Variants in SLC9A2 observed in about 807,000 individuals in gnomAD.
SLC9A2 encodes the protein solute carrier family 9 member A2, also known as sodium/hydrogen exchanger 2.
SLC9A2 carries 42 observed loss-of-function variants against 71.7 expected under a neutral mutation model. The ratio of observed to expected loss-of-function variants is 0.59; its 90% CI spans 0.46 to 0.76. The LOEUF (loss-of-function observed/expected upper bound fraction) is 0.76. SLC9A2 is among the 30% of genes least tolerant of loss of function. SLC9A2 has a pLI of 0.00. For missense variants in SLC9A2, 829 were observed against 1,017.4 expected, an observed-to-expected ratio of 0.81 and a Z score of 2.52; for synonymous variants, 396 against 392.5, an observed-to-expected ratio of 1.01 and a Z score of -0.10.
At chr2:102,669,091 G>A (rs920673950) in intron 3 of SLC9A2, among the ~76,000 whole-genome samples, 3 of 152,136 alleles carry the variant, frequency 2.0e-5, no homozygotes, top group African/African-American at 7.2e-5. Context: ...AGTGCACCTC[G>A]GGTGTTCATA....
chr2:102,644,218 A>G (rs1345672928), intron 1 of SLC9A2, among the ~76,000 whole-genome samples: 1 of 152,008 alleles, frequency 6.6e-6, no homozygotes, highest in Non-Finnish European at 1.5e-5. Flanking sequence ...TCACCCAGGA[A>G]GTGCAAGGGG....
At chr2:102,648,223 C>T (rs2104513070) in intron 1 of SLC9A2, among the ~76,000 whole-genome samples, 1 of 152,290 alleles carries the variant, frequency 6.6e-6, no homozygotes, top group South Asian at 2.1e-4. Flanking sequence ...ATCATATAAA[C>T]AGAACCAATG....
At chr2:102,656,980 G>A (rs1443329901) in intron 1 of SLC9A2, among the ~76,000 whole-genome samples, 5 of 152,104 alleles carry the variant, frequency 3.3e-5, no homozygotes, top group South Asian at 4.1e-4. Flanking sequence ...CGAGGTGGGC[G>A]GATCACCTGA....
intron 1 of SLC9A2, among the ~76,000 whole-genome samples, chr2:102,645,776 A>G (rs530564229): frequency 6.6e-6 from 1 of 152,292 alleles, no homozygotes; most frequent in East Asian, 1.9e-4. Context: ...AGGAGTGAAC[A>G]AAGCTTCCAA....
chr2:102,623,743 A>G (rs1342379884), intron 1 of SLC9A2, among the ~76,000 whole-genome samples: 3 of 152,104 alleles, frequency 2.0e-5, no homozygotes, highest in African/African-American at 7.2e-5. Context: ...CTTTTGTGCC[A>G]TTTGTGTAGT....
In SLC9A2 at chr2:102,679,073, G is replaced by C. The variant is rs545270266; in HGVS notation, c.1005-4188G>C. ...GACTCAGGTTGTACATGGCAGACCA[G>C]AATGGGAACTTTAGGAATGTTTCCT... On this transcript the variant is annotated intron_variant, in intron 3 of 11. Transcript: ENST00000233969. Among the ~76,000 whole-genome samples, 5 of 152,268 alleles carry C rather than the reference G, an allele frequency of 3.3e-5. No homozygotes were observed. The East Asian group carries it at 9.7e-4, about 30-fold the overall frequency.
rs902970040 is a variant in SLC9A2, at chr2:102,684,705, C to T, written c.1425+369C>T. On this transcript the variant is annotated intron_variant, in intron 5 of 11. Transcript: ENST00000233969. ...GCTATTTGACATGAGTTGACTGCCT[C>T]GCGGTGACTCCCCTAAATGAGGAAT... Among the ~76,000 whole-genome samples, 6 of 152,272 alleles carry T rather than the reference C, an allele frequency of 3.9e-5. No individual in the cohort carries two copies. In the South Asian group the frequency reaches 6.2e-4, roughly 16 times the overall value.
At chr2:102,690,793 T>G (rs138934432) in intron 5 of SLC9A2, among the ~76,000 whole-genome samples, 2 of 152,296 alleles carry the variant, frequency 1.3e-5, no homozygotes, top group African/African-American at 4.8e-5. Flanking sequence ...AGACCTTCCA[T>G]AAGACAGCAT....
At chr2:102,634,283 A>C (rs944295869) in intron 1 of SLC9A2, among the ~76,000 whole-genome samples, 4 of 152,150 alleles carry the variant, frequency 2.6e-5, no homozygotes, top group Non-Finnish European at 5.9e-5. Flanking sequence ...ACTATAGTGT[A>C]TATACTATTA....
chr2:102,691,923 T>C (rs891721079), intron 5 of SLC9A2, among the ~76,000 whole-genome samples: 3 of 152,204 alleles, frequency 2.0e-5, no homozygotes, highest in Admixed American at 2.0e-4. Flanking sequence ...ACTTACTAAA[T>C]GAACACTGAT....
chr2:102,696,332 A>G (rs1386019616), intron 7 of SLC9A2, among the ~76,000 whole-genome samples: 2 of 152,200 alleles, frequency 1.3e-5, no homozygotes, highest in Non-Finnish European at 2.9e-5. Flanking sequence ...AACACGTTTT[A>G]AACTATATTT....
intron 1 of SLC9A2, among the ~76,000 whole-genome samples, chr2:102,624,214 G>A (rs1407182357): frequency 5.9e-5 from 9 of 152,116 alleles, no homozygotes; most frequent in South Asian, 2.1e-4. Context: ...AGTACACCTC[G>A]GAAAAGCTTT....
intron 1 of SLC9A2, among the ~76,000 whole-genome samples, chr2:102,652,432 G>T (rs1244505197): frequency 6.6e-6 from 1 of 152,066 alleles, no homozygotes. Context: ...TTCCCATGGC[G>T]CCCAGCCTTT....
Position 102,691,849 on chromosome 2 carries a change from C to CTGGGGTAAGCCCTGTG in SLC9A2, c.1426-2563_1426-2548dup, listed in dbSNP as rs528864263. On this transcript the variant is annotated intron_variant, in intron 5 of 11. Coordinates refer to ENST00000233969, the MANE Select transcript of SLC9A2 (RefSeq NM_003048.6). ...AGGGTGGAAGGAATCAACATATGGA[C>CTGGGGTAAGCCCTGTG]TGGGGTAAGCCCTGTGTCCTATCTT... Among the ~76,000 whole-genome samples, 122 of 152,310 alleles carry CTGGGGTAAGCCCTGTG rather than the reference C, an allele frequency of 8.0e-4. 3 individuals carry two copies. The South Asian group carries it at 0.024, about 31-fold the overall frequency.
At chr2:102,704,446 C>A in intron 9 of SLC9A2, 98 bp from the exon 10 acceptor site, 1 of 1,144,390 alleles carries the variant, frequency 8.7e-7, no homozygotes, top group East Asian at 2.6e-5. Flanking sequence ...AGCTGAGGTG[C>A]AGATCCAAAG....
chr2:102,677,251 C>A (rs1243570973), intron 3 of SLC9A2, among the ~76,000 whole-genome samples: 1 of 151,926 alleles, frequency 6.6e-6, no homozygotes, highest in African/African-American at 2.4e-5. Flanking sequence ...AATGACAAAT[C>A]ATTTAAGTAG....
At chr2:102,643,162 A>C (rs573608872) in intron 1 of SLC9A2, among the ~76,000 whole-genome samples, 5 of 152,284 alleles carry the variant, frequency 3.3e-5, no homozygotes, top group Non-Finnish European at 7.3e-5. Flanking sequence ...TGGCTGGACT[A>C]TGGTGACGTC....
At position 102,619,577 on chromosome 2, in the gene SLC9A2, AGGC is replaced by A; in HGVS notation, c.-268_-266del. 1 of 293,364 alleles carries A rather than the reference AGGC, an allele frequency of 3.4e-6. No individual in the cohort carries two copies. The highest frequency in any genetic ancestry group is 6.2e-6 in the Non-Finnish European group (1 of 160,278). 18.2% of individuals were successfully genotyped at this position (293,364 alleles called of 1,614,324 possible). A position where few individuals can be genotyped will look rare whatever the true frequency, so the allele number is the denominator to read the frequency against. ...TGGAGAGCAGCGCACCGGCATGGGC[AGGC>A]GGCCGGCGGCGGAGGGCGGCTGAGG... On this transcript the variant is annotated 5_prime_UTR_variant, in exon 1 of 12. Transcript: ENST00000233969. This position sits in a 1 kb window ranked among gnomAD's most constrained non-coding sequence, Gnocchi z 4.3.
intron 1 of SLC9A2, among the ~76,000 whole-genome samples, chr2:102,639,627 A>G (rs920048140): frequency 1.3e-5 from 2 of 152,186 alleles, no homozygotes; most frequent in African/African-American, 4.8e-5. Flanking sequence ...GTGTTTTGCA[A>G]CTACTACCTC....
Sources: gnomAD v4.1 joint callset for allele counts (sites outside exome capture counted in the v4.1 genomes callset) on GRCh38, gnomAD v4.1.1 for gene constraint, Gnocchi (gnomAD v3.1) non-coding constraint, MANE v1.5 for transcripts, NCBI Gene and HGNC (gene_info 2026-07-23, HGNC 2026-07-21) for gene names.